MYH3: variants seen among roughly 807,000 people sequenced by gnomAD.
MYH3 encodes the protein myosin heavy chain 3, also known as myosin-3.
MYH3 carries 130 observed loss-of-function variants against 238.0 expected under a neutral mutation model. The ratio of observed to expected loss-of-function variants is 0.55; its 90% CI spans 0.47 to 0.63. MYH3 has a LOEUF of 0.63. MYH3 is among the 30% of genes least tolerant of loss of function. MYH3 has a pLI of 0.00. For synonymous variants in MYH3, 880 were observed against 924.1 expected (o/e 0.95, Z 0.86); for missense variants, 1,853 against 2,374.9 (o/e 0.78, Z 4.57).
Position 10,652,545 on chromosome 17 carries a change from C to G in MYH3, c.223G>C (p.Glu75Gln), listed in dbSNP as rs1426055212. Residue 75 changes from glutamate to glutamine, a missense_variant, in exon 4 of 41, where the codon GAG becomes CAG. Coordinates refer to ENST00000583535, the MANE Select transcript of MYH3 (RefSeq NM_002470.4). ...GGGGGGTTCATGGCGTACACATCCT[C>G]TGGTTTGACCACCAGGGTCTAAAAA... ...EDNRTLVVKP[E>Q]DVYAMNPPKF... The G allele has an allele frequency of 6.2e-6, 10 of 1,606,676 alleles. No individual in the cohort carries two copies. Among genetic ancestry groups the G allele is most frequent in the Non-Finnish European group, 7.6e-6 (9 of 1,176,526 alleles).
rs373814637 is a variant in MYH3, at chr17:10,633,966, G to C, written c.4522+51C>G. On this transcript the variant is annotated intron_variant, in intron 32 of 40. Coordinates refer to ENST00000583535, the MANE Select transcript of MYH3 (RefSeq NM_002470.4). Reference sequence around the variant, plus strand: ...GCCACACCCACGCCAGCATGCTCTCGAGCAATAGAGCATGAAAGGAGGAGG... The same window carrying C: ...GCCACACCCACGCCAGCATGCTCTCCAGCAATAGAGCATGAAAGGAGGAGG... 3 of 1,591,750 alleles carry C rather than the reference G, an allele frequency of 1.9e-6. No individual in the cohort carries two copies. In the Admixed American group the frequency reaches 5.0e-5, roughly 27 times the overall value.
At chr17:10,655,116 A>G in intron 2 of MYH3, 44 bp from the exon 3 acceptor site, 1 of 1,523,912 alleles carries the variant, frequency 6.6e-7, no homozygotes, top group Non-Finnish European at 9.1e-7. Flanking sequence ...CCCCCTTGCC[A>G]GGCACCCAGC....
chr17:10,655,058 T>A lies in MYH3; in HGVS notation c.7A>T (p.Ser3Cys), dbSNP rs2142431506. The change falls in exon 3 of 41, where the codon AGT becomes TGT. Residue 3 changes from serine to cysteine, a missense_variant. Physicochemically the swap from Ser to Cys is moderately radical, Grantham distance 112. Transcript: ENST00000583535. ...CCGAACACTTCCATTTCAGTGTCAC[T>A]ACTCATGGTGTCAGCTGGAAGGCAA... MSSDTEMEVFGIA... is the reference protein window; with the variant it reads MSCDTEMEVFGIA... 6.2e-7 allele frequency: 1 copy of A among 1,614,088 alleles called. No homozygotes were observed. The highest frequency in any genetic ancestry group is 2.2e-5 in the East Asian group (1 of 44,878).
the MYH3 span, chr17:10,675,773 A>G: frequency 6.6e-6 from 1 of 152,194 alleles, no homozygotes; most frequent in Non-Finnish European, 1.5e-5. Flanking sequence ...CAAATGCGTT[A>G]GTCTTTTTAA....
At chr17:10,632,398 C>T (rs772744271) in intron 34 of MYH3, 78 bp downstream of exon 34, 241 of 1,497,062 alleles carry the variant, frequency 1.6e-4, no homozygotes, top group Middle Eastern at 1.4e-3. Flanking sequence ...GGACTACAGG[C>T]GTGCACCACT....
chr17:10,676,788 G>C, the MYH3 span: 1 of 152,244 alleles, frequency 6.6e-6, no homozygotes, highest in South Asian at 2.1e-4. Context: ...CAACTTTTCT[G>C]TATGCCAAAC....
At chr17:10,671,954 G>A in the MYH3 span, among the ~76,000 whole-genome samples, 8 of 152,110 alleles carry the variant, frequency 5.3e-5, no homozygotes, top group East Asian at 3.9e-4. Context: ...CTTATATATC[G>A]GTGATAGTAA....
At chr17:10,669,818 A>G in the MYH3 span, among the ~76,000 whole-genome samples, 3 of 151,968 alleles carry the variant, frequency 2.0e-5, no homozygotes, top group Non-Finnish European at 4.4e-5. Context: ...CGCTGAGGTG[A>G]GAGGATTGCT....
chr17:10,670,025 A>G, the MYH3 span, among the ~76,000 whole-genome samples: 1 of 152,190 alleles, frequency 6.6e-6, no homozygotes, highest in Non-Finnish European at 1.5e-5. This position sits in a 1 kb window ranked among gnomAD's most constrained non-coding sequence, Gnocchi z 7.0. Context: ...TTTATCTCAA[A>G]GCGTGTATGT....
Position 10,634,954 on chromosome 17 carries a change from T to C in MYH3, c.4242A>G (p.Ser1414=). The C allele has an allele frequency of 1.2e-6, 2 of 1,614,120 alleles. No individual in the cohort carries two copies. Among genetic ancestry groups the C allele is most frequent in the Non-Finnish European group, 1.7e-6 (2 of 1,180,026 alleles). Residue 1414 remains serine (S), a synonymous_variant, in exon 31 of 41, where the codon TCA becomes TCG. Coordinates refer to ENST00000583535, the MANE Select transcript of MYH3 (RefSeq NM_002470.4). The stretch of plus-strand genomic sequence containing the variant: ...GCAGCCTCTGCTTGGTCTTCTCCAG[T>C]GAAGCACATTTAGCATTCACTGCCT... The part of the protein sequence containing the change: ...QVEAVNAKCA[S]LEKTKQRLQG...
intron 31 of MYH3, among the ~76,000 whole-genome samples, chr17:10,634,396 A>G (rs1229661682): frequency 6.6e-6 from 1 of 152,232 alleles, no homozygotes; most frequent in Non-Finnish European, 1.5e-5. Flanking sequence ...AAAAGCAAAT[A>G]GATCCTTTGA....
At chr17:10,647,554 T>C (rs933864958) in intron 8 of MYH3, 128 bp from the exon 9 acceptor site, 42 of 1,008,038 alleles carry the variant, frequency 4.2e-5, no homozygotes, top group Non-Finnish European at 6.2e-5. Context: ...TTTTGTTTTG[T>C]TATGTTTTTG....
intron 30 of MYH3, 66 bp downstream of exon 30, chr17:10,635,301 T>A (rs1254173714): frequency 1.2e-6 from 2 of 1,612,374 alleles, no homozygotes; most frequent in Non-Finnish European, 8.5e-7. Flanking sequence ...AAACGCCTAG[T>A]AATAAAAATA....
At chr17:10,675,939 C>G in the MYH3 span, 1 of 152,232 alleles carries the variant, frequency 6.6e-6, no homozygotes, top group East Asian at 1.9e-4. Context: ...ATCCCCACAA[C>G]GAACTGCATC....
chr17:10,654,223 CTCTT>C lies in MYH3; in HGVS notation c.204+634_204+637del, dbSNP rs2074406782. 6.7e-6 allele frequency among the ~76,000 whole-genome samples: 1 copy of C among 149,758 alleles called. No homozygotes were observed. Among genetic ancestry groups the C allele is most frequent in the Non-Finnish European group, 1.5e-5 (1 of 67,656 alleles). ...TTTCCTTCCTTCCTTCCCTCCATCT[CTCTT>C]TCACTCTTTCTTTCTTTTTTCCTTT... On this transcript the variant is annotated intron_variant, in intron 3 of 40. Coordinates refer to ENST00000583535, the MANE Select transcript of MYH3 (RefSeq NM_002470.4). This position sits in a 1 kb window ranked among gnomAD's most constrained non-coding sequence, Gnocchi z 4.5.
chr17:10,635,405 C>G lies in MYH3; in HGVS notation c.4134G>C (p.Thr1378=). The G allele has an allele frequency of 6.2e-7, 1 of 1,614,016 alleles. No homozygotes were observed. The change falls in exon 30 of 41, where the codon ACG becomes ACC. Residue 1378 remains threonine, a synonymous_variant. Transcript: ENST00000583535. The part of the protein sequence containing the change: ...EVAQWRTKYE[T]DAIQRTEELE... ...GCTCTTCTGTGCGCTGGATGGCGTCCGTCTCGTATTTGGTTCTCCACTGGG... is the reference window on the plus strand; with the variant it reads ...GCTCTTCTGTGCGCTGGATGGCGTCGGTCTCGTATTTGGTTCTCCACTGGG...
intron 28 of MYH3, 128 bp from the exon 29 acceptor site, chr17:10,635,981 G>C: frequency 1.2e-6 from 1 of 833,618 alleles, no homozygotes; most frequent in Non-Finnish European, 2.0e-6. Context: ...TTCTTCTTCA[G>C]GGAGAAGGTA....
chr17:10,634,797 C>T lies in MYH3; in HGVS notation c.4356+43G>A, dbSNP rs756306415. The T allele has an allele frequency of 3.5e-5, 56 of 1,612,094 alleles. No individual in the cohort carries two copies. The South Asian group carries it at 5.6e-4, about 16-fold the overall frequency. ...CCTCCTTCCACGGCTGCTAGGAATCCCTTACATCATGGCATTCACCCAGCA... is the reference window on the plus strand; with the variant it reads ...CCTCCTTCCACGGCTGCTAGGAATCTCTTACATCATGGCATTCACCCAGCA... On this transcript the variant is annotated intron_variant, in intron 31 of 40. Coordinates refer to ENST00000583535, the MANE Select transcript of MYH3 (RefSeq NM_002470.4).
At chr17:10,656,028 A>G (rs963072651) in intron 2 of MYH3, 62 bp downstream of exon 2, 3 of 152,270 alleles carry the variant, frequency 2.0e-5, no homozygotes, top group African/African-American at 7.2e-5. Context: ...GGAGAAAGGA[A>G]CTGGCAAGCT....
Sources: gnomAD v4.1 joint callset for allele counts (sites outside exome capture counted in the v4.1 genomes callset) on GRCh38, gnomAD v4.1.1 for gene constraint, Gnocchi (gnomAD v3.1) non-coding constraint, MANE v1.5 for transcripts, NCBI Gene and HGNC (gene_info 2026-07-23, HGNC 2026-07-21) for gene names.